IRAK2: variants seen among roughly 807,000 people sequenced by gnomAD.
IRAK2 encodes the protein interleukin 1 receptor associated kinase 2.
IRAK2 carries 57 observed loss-of-function variants against 72.0 expected under a neutral mutation model. The ratio of observed to expected loss-of-function variants is 0.79; its 90% CI spans 0.64 to 0.99. IRAK2 has a LOEUF of 0.99. Among genes scored for constraint, IRAK2 ranks in the 50% least tolerant of loss-of-function variants. The pLI is 0.00. For missense variants in IRAK2, 790 were observed against 794.4 expected (o/e 0.99, Z 0.07); for synonymous variants, 293 against 312.7 (o/e 0.94, Z 0.67).
intron 6 of IRAK2, among the ~76,000 whole-genome samples, chr3:10,214,594 G>T (rs774122377): frequency 6.6e-6 from 1 of 150,622 alleles, no homozygotes; most frequent in Non-Finnish European, 1.5e-5. Flanking sequence ...TATATTGTAG[G>T]GTATTTTAAG....
intron 3 of IRAK2, among the ~76,000 whole-genome samples, chr3:10,207,862 C>T (rs1483086294): frequency 6.6e-6 from 1 of 152,072 alleles, no homozygotes; most frequent in African/African-American, 2.4e-5. Flanking sequence ...CATCATGGCG[C>T]ACGCCTATAG....
intron 2 of IRAK2, among the ~76,000 whole-genome samples, chr3:10,180,286 C>T (rs1294862913): frequency 6.6e-6 from 1 of 152,098 alleles, no homozygotes; most frequent in Non-Finnish European, 1.5e-5. Flanking sequence ...TGGTTCTGCC[C>T]TAGGTTCTGG....
intron 10 of IRAK2, among the ~76,000 whole-genome samples, chr3:10,231,775 A>G (rs1240481835): frequency 6.6e-6 from 1 of 152,122 alleles, no homozygotes; most frequent in African/African-American, 2.4e-5. Flanking sequence ...TCAACCTCCC[A>G]AAGTGCTGAC....
At chr3:10,234,691 G>A (rs1419640881) in intron 11 of IRAK2, 32 bp downstream of exon 11, 1 of 1,592,172 alleles carries the variant, frequency 6.3e-7, no homozygotes, top group Admixed American at 1.7e-5. Flanking sequence ...CTCGCTGCCT[G>A]GGCCACGCGT....
At chr3:10,232,096 C>T (rs1440108738) in intron 10 of IRAK2, among the ~76,000 whole-genome samples, 1 of 152,196 alleles carries the variant, frequency 6.6e-6, no homozygotes, top group Non-Finnish European at 1.5e-5. Context: ...CACTGCACTA[C>T]AGCCTGGGCG....
chr3:10,211,692 G>A (rs1446521951), intron 4 of IRAK2, among the ~76,000 whole-genome samples: 3 of 152,078 alleles, frequency 2.0e-5, no homozygotes, highest in Non-Finnish European at 1.5e-5. Flanking sequence ...CTAATTGGCC[G>A]GAAATACACT....
At chr3:10,167,845 T>G (rs1696721291) in intron 1 of IRAK2, among the ~76,000 whole-genome samples, 1 of 152,248 alleles carries the variant, frequency 6.6e-6, no homozygotes, top group South Asian at 2.1e-4. Flanking sequence ...AACACTCACA[T>G]ACAAGATTTT....
intron 8 of IRAK2, among the ~76,000 whole-genome samples, chr3:10,221,331 G>C (rs1162235226): frequency 2.2e-5 from 3 of 138,168 alleles, no homozygotes; most frequent in Non-Finnish European, 4.5e-5. Flanking sequence ...TCTGTTCACT[G>C]CAAGCTCCGC....
chr3:10,188,009 G>T (rs1164454631), intron 2 of IRAK2, among the ~76,000 whole-genome samples: 2 of 152,318 alleles, frequency 1.3e-5, no homozygotes, highest in South Asian at 4.1e-4. Context: ...CTTAGGAGGG[G>T]ACTGTGGGCC....
chr3:10,224,507 A>G (rs1697741153), intron 9 of IRAK2, among the ~76,000 whole-genome samples: 1 of 144,188 alleles, frequency 6.9e-6, no homozygotes, highest in African/African-American at 2.6e-5. Context: ...TAATGTATAT[A>G]AGCAGGTGAG....
intron 2 of IRAK2, among the ~76,000 whole-genome samples, chr3:10,182,338 G>A (rs1454197323): frequency 1.6e-4 from 23 of 146,756 alleles, no homozygotes; most frequent in African/African-American, 3.3e-4. Flanking sequence ...CCTGGAGTGC[G>A]GTGGCACGAT....
chr3:10,224,352 G>GA (rs1259227160), intron 9 of IRAK2, among the ~76,000 whole-genome samples: 2 of 141,552 alleles, frequency 1.4e-5, no homozygotes, highest in African/African-American at 2.7e-5. Flanking sequence ...AAAAAAAAAA[G>GA]AAAAAAAAGA....
chr3:10,234,674 C>G lies in IRAK2; in HGVS notation c.1473+15C>G, dbSNP rs1040167871. ...GCCTGCAGGAGGTGAGCCTCGCCCGCAGCGGCCTCGCTGCCTGGGCCACGC... is the reference window on the plus strand; with the variant it reads ...GCCTGCAGGAGGTGAGCCTCGCCCGGAGCGGCCTCGCTGCCTGGGCCACGC... On this transcript the variant is annotated intron_variant, in intron 11 of 12. Transcript: ENST00000256458. 10 of 1,608,076 alleles carry G rather than the reference C, an allele frequency of 6.2e-6. No individual in the cohort carries two copies. Among genetic ancestry groups the G allele is most frequent in the Non-Finnish European group, 7.6e-6 (9 of 1,176,974 alleles).
intron 8 of IRAK2, among the ~76,000 whole-genome samples, chr3:10,220,881 A>G (rs1020132883): frequency 6.6e-6 from 1 of 152,098 alleles, no homozygotes; most frequent in African/African-American, 2.4e-5. Context: ...CTTCCTGCCT[A>G]TACAAATCCT....
chr3:10,186,411 A>G (rs1697075807), intron 2 of IRAK2, among the ~76,000 whole-genome samples: 1 of 151,664 alleles, frequency 6.6e-6, no homozygotes, highest in Non-Finnish European at 1.5e-5. Flanking sequence ...TCCAGCCTAG[A>G]CACATCTTAA....
intron 4 of IRAK2, among the ~76,000 whole-genome samples, chr3:10,212,099 C>T (rs1697531075): frequency 6.7e-6 from 1 of 149,634 alleles, no homozygotes; most frequent in Non-Finnish European, 1.5e-5. Flanking sequence ...AAAAAAATTA[C>T]GTACATGTGT....
chr3:10,238,889 GCCT>G lies in IRAK2; in HGVS notation c.1624_1626del (p.Ser542del). ...CGACGTTGACAATTCCAGCCTTGAT[GCCT>G]CCTCCTCCATGAGTGTGGCACCCTG... On this transcript the variant is annotated inframe_deletion, in exon 12 of 13. Transcript: ENST00000256458. 6.2e-7 allele frequency: 1 copy of G among 1,614,128 alleles called. No individual in the cohort carries two copies. The highest frequency in any genetic ancestry group is 8.5e-7 in the Non-Finnish European group (1 of 1,180,024).
chr3:10,197,071 GA>G (rs992383510), intron 2 of IRAK2, among the ~76,000 whole-genome samples: 25 of 151,954 alleles, frequency 1.6e-4, no homozygotes, highest in African/African-American at 5.1e-4. Flanking sequence ...AAATCACAAA[GA>G]AAAAAACCCC....
chr3:10,222,335 C>T (rs546115862), intron 8 of IRAK2, among the ~76,000 whole-genome samples: 2 of 152,120 alleles, frequency 1.3e-5, no homozygotes, highest in Non-Finnish European at 2.9e-5. Flanking sequence ...AGCCTGTAGG[C>T]GTGGCAAGCT....
Sources: gnomAD v4.1 joint callset for allele counts (sites outside exome capture counted in the v4.1 genomes callset) on GRCh38, gnomAD v4.1.1 for gene constraint, MANE v1.5 for transcripts, NCBI Gene and HGNC (gene_info 2026-07-23, HGNC 2026-07-21) for gene names.